The following CCDC171 variants were observed in gnomAD, a reference collection of about 807,000 sequenced individuals.
The protein encoded by CCDC171 is coiled-coil domain containing 171.
CCDC171 carries 177 observed loss-of-function variants against 168.2 expected under a neutral mutation model. The observed-to-expected ratio is 1.05, with a 90% confidence interval of 0.93 to 1.19. CCDC171 has a LOEUF of 1.19. CCDC171 is among the 50% of genes most tolerant of loss of function. CCDC171 has a pLI of 0.00. For missense variants in CCDC171, 1,991 were observed against 1,539.0 expected (o/e 1.29, Z -4.91); for synonymous variants, 687 against 540.8 (o/e 1.27, Z -3.75).
At chr9:15,916,016 G>A (rs949701649) in intron 24 of CCDC171, among the ~76,000 whole-genome samples, 1 of 152,040 alleles carries the variant, frequency 6.6e-6, no homozygotes, top group African/African-American at 2.4e-5. Flanking sequence ...CTATTTGCTA[G>A]TATTTTGTTG....
At chr9:15,903,362 T>G (rs1477234272) in intron 24 of CCDC171, among the ~76,000 whole-genome samples, 2 of 152,158 alleles carry the variant, frequency 1.3e-5, no homozygotes, top group East Asian at 3.9e-4. Context: ...GGCGGCAACC[T>G]TTGCTGTTCA....
intron 22 of CCDC171, among the ~76,000 whole-genome samples, chr9:15,847,472 A>T (rs1387307048): frequency 2.0e-5 from 3 of 152,080 alleles, no homozygotes; most frequent in African/African-American, 7.2e-5. Flanking sequence ...TCAAGTTGAC[A>T]TACATTATGA....
At chr9:15,789,190 C>T (rs1415519426) in intron 21 of CCDC171, among the ~76,000 whole-genome samples, 1 of 152,056 alleles carries the variant, frequency 6.6e-6, no homozygotes, top group African/African-American at 2.4e-5. Flanking sequence ...ACATGACACT[C>T]AAAGTAAATG....
At chr9:15,555,945 G>C (rs2038760292) in intron 1 of CCDC171, among the ~76,000 whole-genome samples, 1 of 152,028 alleles carries the variant, frequency 6.6e-6, no homozygotes. Flanking sequence ...TTGGTTTTCT[G>C]TCCTTGCGAT....
intron 6 of CCDC171, among the ~76,000 whole-genome samples, chr9:16,034,579 GT>G (rs1049720279): frequency 4.6e-4 from 70 of 152,300 alleles, no homozygotes; most frequent in African/African-American, 1.6e-3. Flanking sequence ...TTCAGTGCGT[GT>G]GACATAGTTG....
chr9:15,585,843 G>A (rs191493053), intron 4 of CCDC171, among the ~76,000 whole-genome samples: 1 of 152,184 alleles, frequency 6.6e-6, no homozygotes. Flanking sequence ...AGGCATGGTA[G>A]TGCACGCCTG....
chr9:16,010,077 C>T (rs1832824298), intron 3 of CCDC171, among the ~76,000 whole-genome samples: 3 of 152,030 alleles, frequency 2.0e-5, no homozygotes, highest in Non-Finnish European at 4.4e-5. Context: ...CAACAGAGTA[C>T]CCAACATAGA....
chr9:15,949,046 G>A (rs1251151143), intron 25 of CCDC171, among the ~76,000 whole-genome samples: 1 of 152,104 alleles, frequency 6.6e-6, no homozygotes, highest in Non-Finnish European at 1.5e-5. Flanking sequence ...CATATGGCTA[G>A]CCAGTTTTCC....
In CCDC171 at chr9:15,657,183, G is replaced by A. The variant is rs146185244; in HGVS notation, c.879G>A (p.Ala293=). ...AAAACATTGAAGCAGAAAGAGCAGC[G>A]CATTTGGAATCAAAATTTAATTCTG... ...LEENIEAERA[A]HLESKFNSEI... The change falls in exon 8 of 26, where the codon GCG becomes GCA. Residue 293 remains alanine, a synonymous_variant. Coordinates refer to ENST00000380701, the MANE Select transcript of CCDC171 (RefSeq NM_173550.4). The A allele has an allele frequency of 1.3e-4, 202 of 1,611,158 alleles. 1 individual carries two copies. In the African/African-American group the frequency reaches 1.7e-3, roughly 13 times the overall value.
At chr9:15,637,292 C>G (rs2046272746) in intron 7 of CCDC171, among the ~76,000 whole-genome samples, 1 of 151,868 alleles carries the variant, frequency 6.6e-6, no homozygotes, top group African/African-American at 2.4e-5. Context: ...AAAATGCACA[C>G]AAAAAAGAAA....
At chr9:16,043,949 C>G (rs1833613747) in intron 1 of CCDC171, among the ~76,000 whole-genome samples, 1 of 152,172 alleles carries the variant, frequency 6.6e-6, no homozygotes, top group Non-Finnish European at 1.5e-5. Context: ...TTAGCATAGG[C>G]AAACCTAGCC....
intron 1 of CCDC171, among the ~76,000 whole-genome samples, chr9:16,045,790 G>A (rs1050583505): frequency 2.0e-5 from 3 of 152,170 alleles, no homozygotes; most frequent in Admixed American, 6.5e-5. Flanking sequence ...TGTTTTTGGT[G>A]ACTCTTTTCT....
At chr9:16,018,831 T>C (rs1043956849) in intron 3 of CCDC171, among the ~76,000 whole-genome samples, 1 of 152,154 alleles carries the variant, frequency 6.6e-6, no homozygotes, top group Non-Finnish European at 1.5e-5. Flanking sequence ...TTAAAAAACC[T>C]AGGAGGGCCT....
intron 4 of CCDC171, among the ~76,000 whole-genome samples, 156 bp from the exon 5 acceptor site, chr9:15,591,210 A>C (rs1163887306): frequency 1.3e-5 from 2 of 152,118 alleles, no homozygotes; most frequent in Non-Finnish European, 2.9e-5. Flanking sequence ...AATTTACCGG[A>C]ATGGAAAGGT....
chr9:15,980,982 G>A (rs529278183), intron 3 of CCDC171, among the ~76,000 whole-genome samples: 86 of 152,178 alleles, frequency 5.7e-4, no homozygotes, highest in African/African-American at 1.8e-3. Flanking sequence ...AGCAAGTCAC[G>A]TCTTACATGG....
chr9:15,948,948 G>T (rs1178769813), intron 25 of CCDC171, among the ~76,000 whole-genome samples: 1 of 152,092 alleles, frequency 6.6e-6, no homozygotes, highest in African/African-American at 2.4e-5. Context: ...TGGTTTTTAT[G>T]GTTTTAGGTC....
Position 15,724,948 on chromosome 9 carries a change from TTTCCCAGGC to T in CCDC171, c.1667_1675del (p.Ser556_Ala558del). 1.2e-6 allele frequency: 2 copies of T among 1,613,908 alleles called. No homozygotes were observed. The highest frequency in any genetic ancestry group is 1.7e-6 in the Non-Finnish European group (2 of 1,179,858). ...CAGTCTGAAAGTGAACTGCAGAAGC[TTTCCCAGGC>T]TTTCCATAAGGATGCAGAGGTATTA... On this transcript the variant is annotated inframe_deletion, in exon 14 of 26. Transcript: ENST00000380701.
intron 25 of CCDC171, among the ~76,000 whole-genome samples, chr9:15,959,037 G>T (rs979283253): frequency 6.6e-6 from 1 of 152,250 alleles, no homozygotes; most frequent in South Asian, 2.1e-4. Context: ...TGAGGATCAG[G>T]GTTGAAGTTT....
intron 2 of CCDC171, among the ~76,000 whole-genome samples, chr9:15,566,720 T>G (rs1027464909): frequency 7.2e-5 from 11 of 152,200 alleles, no homozygotes; most frequent in African/African-American, 2.7e-4. Flanking sequence ...GAGTTGTGCT[T>G]TTGGTTTTGT....
Sources: allele counts gnomAD v4.1 joint callset (sites outside exome capture counted in the v4.1 genomes callset), GRCh38; gene constraint gnomAD v4.1.1; transcripts MANE v1.5; gene names NCBI Gene and HGNC (gene_info 2026-07-23, HGNC 2026-07-21).